The following STOML2 variants were observed in gnomAD, a reference collection of about 807,000 sequenced individuals.
The protein encoded by STOML2 is stomatin like 2.
STOML2 carries 22 observed loss-of-function variants against 45.7 expected under a neutral mutation model. The observed-to-expected ratio is 0.48, with a 90% CI of 0.34 to 0.69. STOML2 has a LOEUF of 0.69. Ranked by LOEUF, STOML2 falls within the 30% of genes least tolerant of loss-of-function variation. The probability of loss-of-function intolerance (pLI) is 0.01; values close to 1 mark genes in which losing one functional copy is unlikely to be tolerated. For missense variants in STOML2, 359 were observed against 466.9 expected, an observed-to-expected ratio of 0.77 and a Z score of 2.13; for synonymous variants, 181 against 182.7, an observed-to-expected ratio of 0.99 and a Z score of 0.08.
At position 35,103,087 on chromosome 9, in the gene STOML2, G is replaced by C; in HGVS notation, c.8C>G (p.Ala3Gly). The C allele has an allele frequency of 6.2e-7, 1 of 1,613,650 alleles. No individual in the cohort carries two copies. The highest frequency in any genetic ancestry group is 1.1e-5 in the South Asian group (1 of 91,064). ML[A>G]RAARGTGALL... The stretch of plus-strand genomic sequence containing the variant: ...GGCCCCAGTGCCCCGCGCCGCGCGC[G>C]CCAGCATTTCCCACCGCCGCAGCGA... The change falls in exon 1 of 10, where the codon GCG (alanine) becomes GGG (glycine). Residue 3 changes from alanine (A) to glycine (G), a missense_variant. Around this residue, in one of 2 missense-constraint regions of STOML2, gnomAD observed 74 missense variants for 45.0 expected, o/e 1.65. Coordinates refer to ENST00000356493, the MANE Select transcript of STOML2 (RefSeq NM_013442.3).
At position 35,102,580 on chromosome 9, in the gene STOML2, C is replaced by T. The variant is rs570612416; in HGVS notation, c.183+106G>A. ...CCCTGTCAGGTCTGGCCTACAGAGT[C>T]GGGAGCTAACAGTGCGGGCAGGCCC... On this transcript the variant is annotated intron_variant, in intron 2 of 9. Transcript: ENST00000356493. This position sits in a 1 kb window ranked among gnomAD's most constrained non-coding sequence, Gnocchi z 4.8. 30 of 1,527,744 alleles carry T rather than the reference C, an allele frequency of 2.0e-5. No individual in the cohort carries two copies. Among genetic ancestry groups the T allele is most frequent in the Non-Finnish European group, 2.5e-5 (28 of 1,137,726 alleles). 94.6% of individuals were successfully genotyped at this position (1,527,744 alleles called of 1,614,324 possible).
upstream of STOML2, chr9:35,103,134 G>A (rs756820084): frequency 1.2e-6 from 2 of 1,609,354 alleles, no homozygotes; most frequent in Non-Finnish European, 1.7e-6. Flanking sequence ...AACGAGACGA[G>A]CGGAGCGGTC....
Position 35,102,813 on chromosome 9 carries a change from A to G in STOML2, c.56T>C (p.Leu19Pro). 1 of 1,614,048 alleles carries G rather than the reference A, an allele frequency of 6.2e-7. No individual in the cohort carries two copies. The highest frequency in any genetic ancestry group is 8.5e-7 in the Non-Finnish European group (1 of 1,179,970). Residue 19 changes from leucine (L) to proline (P), a missense_variant, in exon 2 of 10, where the codon CTG (leucine) becomes CCG (proline). By Grantham distance (98) the Leu-to-Pro change is moderately conservative. Coordinates refer to ENST00000356493, the MANE Select transcript of STOML2 (RefSeq NM_013442.3). This position sits in a 1 kb window ranked among gnomAD's most constrained non-coding sequence, Gnocchi z 4.8. ...TGALLLRGSLLASGRAPRRAS... is the reference protein window; with the variant it reads ...TGALLLRGSLPASGRAPRRAS... ...GCGGCGCGGAGCGCGGCCAGAAGCC[A>G]GTAGAGAGCCCTGAAGGAAAGAAGA...
chr9:35,102,058 T>A lies in STOML2; in HGVS notation c.283+37A>T. Reference sequence around the variant, plus strand: ...TGGATCTACAGCAACCACATCCTAATAGCCTCAGAGCACCCATGTCACCCT... The same window carrying A: ...TGGATCTACAGCAACCACATCCTAAAAGCCTCAGAGCACCCATGTCACCCT... On this transcript the variant is annotated intron_variant, in intron 3 of 9. Coordinates refer to ENST00000356493, the MANE Select transcript of STOML2 (RefSeq NM_013442.3). This position sits in a 1 kb window ranked among gnomAD's most constrained non-coding sequence, Gnocchi z 4.8. 6.2e-7 allele frequency: 1 copy of A among 1,611,652 alleles called. No homozygotes were observed.
Position 35,101,485 on chromosome 9 carries a change from G to A in STOML2, c.520C>T (p.Arg174Cys), listed in dbSNP as rs1313882943. 5 of 1,614,080 alleles carry A rather than the reference G, an allele frequency of 3.1e-6. No individual in the cohort carries two copies. Among genetic ancestry groups the A allele is most frequent in the Non-Finnish European group, 4.2e-6 (5 of 1,180,020 alleles). ...ACATGGATATCCTTGATCTCATAAC[G>A]GAGGCAGCGGATACCCCAGCAGTCA... ...AADCWGIRCL[R>C]YEIKDIHVPP... The change falls in exon 6 of 10, where the codon CGT becomes TGT. Residue 174 changes from arginine (R) to cysteine (C), a missense_variant. Physicochemically the swap from Arg to Cys is radical, Grantham distance 180. Transcript: ENST00000356493. The surrounding 1 kb of genome is among the most constrained non-coding windows in gnomAD (Gnocchi z 4.3).
At chr9:35,100,239 G>T in intron 9 of STOML2, 67 bp from the exon 10 acceptor site, 1 of 1,581,580 alleles carries the variant, frequency 6.3e-7, no homozygotes, top group East Asian at 2.3e-5. Context: ...CCTACCAATG[G>T]CTAAACGGGA....
In STOML2 at chr9:35,101,714, A is replaced by G; in HGVS notation, c.440T>C (p.Phe147Ser). ...ELGKLSLDKV[F>S]RERESLNASI... is the part of the protein sequence containing the mutation. ...CTCTGGCTCAGATCTGCTTACCCGGAAGACTTTGTCCAGAGAGAGTTTGCC... is the reference window on the plus strand; with the variant it reads ...CTCTGGCTCAGATCTGCTTACCCGGGAGACTTTGTCCAGAGAGAGTTTGCC... The change falls in exon 5 of 10, where the codon TTC becomes TCC. Residue 147 changes from phenylalanine to serine, a missense_variant. Phe to Ser is a radical substitution (Grantham distance 155). Around this residue, in one of 2 missense-constraint regions of STOML2, gnomAD observed 285 missense variants for 422.0 expected, o/e 0.68. Transcript: ENST00000356493. The surrounding 1 kb of genome is among the most constrained non-coding windows in gnomAD (Gnocchi z 4.3). The G allele has an allele frequency of 6.2e-7, 1 of 1,614,120 alleles. No homozygotes were observed. The highest frequency in any genetic ancestry group is 1.1e-5 in the South Asian group (1 of 91,076).
chr9:35,102,029 G>A lies in STOML2; in HGVS notation c.283+66C>T. The A allele has an allele frequency of 6.2e-7, 1 of 1,612,446 alleles. No homozygotes were observed. The highest frequency in any genetic ancestry group is 8.5e-7 in the Non-Finnish European group (1 of 1,178,554). ...GGTCCCAACCAGTTCTTTCTACTAA[G>A]CTCTGGATCTACAGCAACCACATCC... On this transcript the variant is annotated intron_variant, in intron 3 of 9. Coordinates refer to ENST00000356493, the MANE Select transcript of STOML2 (RefSeq NM_013442.3). The surrounding 1 kb of genome is among the most constrained non-coding windows in gnomAD (Gnocchi z 4.8).
intron 8 of STOML2, 64 bp downstream of exon 8, chr9:35,100,868 C>T (rs574900648): frequency 2.0e-5 from 32 of 1,612,418 alleles, no homozygotes; most frequent in African/African-American, 1.2e-4. Flanking sequence ...TCTCCTCAAG[C>T]GTAGATAAGA....
In STOML2 at chr9:35,101,398, C is replaced by A; in HGVS notation, c.579+28G>T. The stretch of plus-strand genomic sequence containing the variant: ...TCCTGGTACTGGAGCACCCTGAGGC[C>A]CTTTTCCCACCCCTCCTTGGCCCCC... On this transcript the variant is annotated intron_variant, in intron 6 of 9. Coordinates refer to ENST00000356493, the MANE Select transcript of STOML2 (RefSeq NM_013442.3). The surrounding 1 kb of genome is among the most constrained non-coding windows in gnomAD (Gnocchi z 4.3). 3 of 1,613,038 alleles carry A rather than the reference C, an allele frequency of 1.9e-6. No individual in the cohort carries two copies. Among genetic ancestry groups the A allele is most frequent in the Non-Finnish European group, 2.5e-6 (3 of 1,179,088 alleles).
intron 8 of STOML2, 56 bp downstream of exon 8, chr9:35,100,876 A>G (rs1587190029): frequency 6.2e-7 from 1 of 1,613,504 alleles, no homozygotes. Context: ...AGCGTAGATA[A>G]GAGAACCCCT....
Position 35,101,498 on chromosome 9 carries a change from A to G in STOML2, c.507T>C (p.Gly169=). 6.2e-7 allele frequency: 1 copy of G among 1,614,040 alleles called. No homozygotes were observed. Among genetic ancestry groups the G allele is most frequent in the Non-Finnish European group, 8.5e-7 (1 of 1,180,008 alleles). The change falls in exon 6 of 10, where the codon GGT becomes GGC. Residue 169 remains glycine, a synonymous_variant. Coordinates refer to ENST00000356493, the MANE Select transcript of STOML2 (RefSeq NM_013442.3). The surrounding 1 kb of genome is among the most constrained non-coding windows in gnomAD (Gnocchi z 4.3). ...TGATCTCATAACGGAGGCAGCGGATACCCCAGCAGTCAGCAGCTTGGTTGA... is the reference window on the plus strand; with the variant it reads ...TGATCTCATAACGGAGGCAGCGGATGCCCCAGCAGTCAGCAGCTTGGTTGA... ...DAINQAADCW[G]IRCLRYEIKD...
At position 35,101,401 on chromosome 9, in the gene STOML2, T is replaced by C; in HGVS notation, c.579+25A>G. ...TGGTACTGGAGCACCCTGAGGCCCT[T>C]TTCCCACCCCTCCTTGGCCCCCACC... On this transcript the variant is annotated intron_variant, in intron 6 of 9. Transcript: ENST00000356493. This position sits in a 1 kb window ranked among gnomAD's most constrained non-coding sequence, Gnocchi z 4.3. 1 of 1,613,188 alleles carries C rather than the reference T, an allele frequency of 6.2e-7. No homozygotes were observed. Among genetic ancestry groups the C allele is most frequent in the Non-Finnish European group, 8.5e-7 (1 of 1,179,152 alleles).
Position 35,100,602 on chromosome 9 carries a change from G to A in STOML2, c.929C>T (p.Ala310Val), listed in dbSNP as rs1407636521. 1 of 1,613,744 alleles carries A rather than the reference G, an allele frequency of 6.2e-7. No individual in the cohort carries two copies. The highest frequency in any genetic ancestry group is 1.3e-5 in the African/African-American group (1 of 74,892). Reference sequence around the variant, plus strand: ...GGGTCCTCAGAGAGCTCTAACCTGAGCCACCATGCTGGTGACATCGCCAGG... The same window carrying A: ...GGGTCCTCAGAGAGCTCTAACCTGAACCACCATGCTGGTGACATCGCCAGG... The part of the protein sequence containing the change: ...SNPGDVTSMV[A>V]QAMGVYGALT... Residue 310 changes from alanine to valine, a missense_variant, in exon 9 of 10, where the codon GCT (alanine) becomes GTT (valine). This residue lies in a region of STOML2 where 285 missense variants were observed against 422.0 expected (regional missense o/e 0.68). Coordinates refer to ENST00000356493, the MANE Select transcript of STOML2 (RefSeq NM_013442.3).
Position 35,101,661 on chromosome 9 carries a change from G to A in STOML2, c.444+49C>T, listed in dbSNP as rs753141956. The A allele has an allele frequency of 1.9e-6, 3 of 1,613,914 alleles. No individual in the cohort carries two copies. Among genetic ancestry groups the A allele is most frequent in the African/African-American group, 2.7e-5 (2 of 75,024 alleles). ...TCTTGACCTTCAGAAAAGATTAAGA[G>A]TGTCAGGTTTGTGTCTTCAAACCCT... On this transcript the variant is annotated intron_variant, in intron 5 of 9. Coordinates refer to ENST00000356493, the MANE Select transcript of STOML2 (RefSeq NM_013442.3). The surrounding 1 kb of genome is among the most constrained non-coding windows in gnomAD (Gnocchi z 4.3).
chr9:35,101,700 AT>A lies in STOML2; in HGVS notation c.444+9del, dbSNP rs140260544. 15 of 1,614,138 alleles carry A rather than the reference AT, an allele frequency of 9.3e-6. No homozygotes were observed. In the East Asian group the frequency reaches 3.1e-4, roughly 34 times the overall value. Reference sequence around the variant, plus strand: ...TCTTCAAACCCTAACTCTGGCTCAGATCTGCTTACCCGGAAGACTTTGTCCA... The same window carrying A: ...TCTTCAAACCCTAACTCTGGCTCAGACTGCTTACCCGGAAGACTTTGTCCA... On this transcript the variant is annotated intron_variant, in intron 5 of 9. Coordinates refer to ENST00000356493, the MANE Select transcript of STOML2 (RefSeq NM_013442.3). This position sits in a 1 kb window ranked among gnomAD's most constrained non-coding sequence, Gnocchi z 4.3.
At chr9:35,100,548 T>G in intron 9 of STOML2, 50 bp downstream of exon 9, 2 of 1,609,042 alleles carry the variant, frequency 1.2e-6, no homozygotes, top group Non-Finnish European at 1.7e-6. Context: ...GGGGTCTCAG[T>G]TTGGTCCCTG....
chr9:35,101,410 C>A lies in STOML2; in HGVS notation c.579+16G>T. 6.2e-7 allele frequency: 1 copy of A among 1,613,984 alleles called. No individual in the cohort carries two copies. The highest frequency in any genetic ancestry group is 8.5e-7 in the Non-Finnish European group (1 of 1,179,912). On this transcript the variant is annotated intron_variant, in intron 6 of 9. Coordinates refer to ENST00000356493, the MANE Select transcript of STOML2 (RefSeq NM_013442.3). This position sits in a 1 kb window ranked among gnomAD's most constrained non-coding sequence, Gnocchi z 4.3. ...AGCACCCTGAGGCCCTTTTCCCACC[C>A]CTCCTTGGCCCCCACCTGCATCTGC...
chr9:35,102,270 A>G lies in STOML2; in HGVS notation c.184-76T>C. On this transcript the variant is annotated intron_variant, in intron 2 of 9. Transcript: ENST00000356493. The surrounding 1 kb of genome is among the most constrained non-coding windows in gnomAD (Gnocchi z 4.8). The stretch of plus-strand genomic sequence containing the variant: ...GACCTAAGCTAGTCCTGGAGTATGT[A>G]GGGAGTCAACACATGGAACATGCCC... 5 of 1,288,244 alleles carry G rather than the reference A, an allele frequency of 3.9e-6. No homozygotes were observed. The highest frequency in any genetic ancestry group is 1.5e-5 in the African/African-American group (1 of 67,120). The allele number at this position is 1,288,244 out of a possible 1,614,324, so 79.8% of individuals were successfully genotyped here.
Sources: allele counts gnomAD v4.1 joint callset, GRCh38; gene constraint gnomAD v4.1.1; regional missense constraint gnomAD v4.1.1; non-coding constraint Gnocchi (gnomAD v3.1); transcripts MANE v1.5; gene names NCBI Gene and HGNC (gene_info 2026-07-23, HGNC 2026-07-21).